GPD2: variants seen among roughly 807,000 people sequenced by gnomAD.
The protein encoded by GPD2 is glycerol-3-phosphate dehydrogenase 2, also known as glycerol-3-phosphate dehydrogenase, mitochondrial.
Under a neutral mutation model 82.4 loss-of-function variants are expected in GPD2, and 54 were observed. The ratio of observed to expected loss-of-function variants is 0.66; its 90% confidence interval spans 0.53 to 0.82. GPD2 has a LOEUF of 0.82. GPD2 is among the 40% of genes least tolerant of loss of function. GPD2 has a pLI of 0.00. For synonymous variants in GPD2, 288 were observed against 306.1 expected (o/e 0.94, Z 0.62); for missense variants, 748 against 896.2 (o/e 0.83, Z 2.11).
At chr2:156,501,767 G>T (rs1024491245) in intron 3 of GPD2, 1 of 169,194 alleles carries the variant, frequency 5.9e-6, no homozygotes, top group Non-Finnish European at 1.5e-5. Context: ...AATTAATGTA[G>T]TGCTTTCCTT....
intron 2 of GPD2, among the ~76,000 whole-genome samples, chr2:156,486,587 C>A (rs1298558147): frequency 6.6e-6 from 1 of 152,130 alleles, no homozygotes; most frequent in Non-Finnish European, 1.5e-5. Flanking sequence ...CTCCCCATTC[C>A]CCATCCTTCA....
intron 8 of GPD2, 109 bp from the exon 9 acceptor site, chr2:156,557,280 C>A: frequency 1.3e-6 from 1 of 770,250 alleles, no homozygotes; most frequent in Non-Finnish European, 2.3e-6. Flanking sequence ...TAGTTCATAT[C>A]TTTCTTGTTT....
chr2:156,410,905 G>A, the GPD2 span, among the ~76,000 whole-genome samples: 1 of 151,958 alleles, frequency 6.6e-6, no homozygotes, highest in Admixed American at 6.6e-5. Flanking sequence ...ATATTGCACT[G>A]GTAAAAGGAA....
At chr2:156,481,383 T>C (rs1003026172) in intron 2 of GPD2, among the ~76,000 whole-genome samples, 1 of 152,164 alleles carries the variant, frequency 6.6e-6, no homozygotes, top group Admixed American at 6.5e-5. Flanking sequence ...CAGCATATAG[T>C]GTTACAAAGC....
At chr2:156,476,351 C>T in intron 2 of GPD2, 144 bp downstream of exon 2, 1 of 681,282 alleles carries the variant, frequency 1.5e-6, no homozygotes. Context: ...TAATTTAGAA[C>T]AGTGCCTTAA....
chr2:156,564,015 C>T (rs954776912), intron 9 of GPD2, among the ~76,000 whole-genome samples: 1 of 152,098 alleles, frequency 6.6e-6, no homozygotes, highest in African/African-American at 2.4e-5. Flanking sequence ...CAGTAAAGTC[C>T]ATGGGACAGT....
chr2:156,513,506 G>A lies in GPD2; in HGVS notation c.661+10G>A. 1 of 1,386,424 alleles carries A rather than the reference G, an allele frequency of 7.2e-7. No homozygotes were observed. The highest frequency in any genetic ancestry group is 1.9e-5 in the Admixed American group (1 of 54,026). The allele number at this position is 1,386,424 out of a possible 1,614,324, so 85.9% of individuals were successfully genotyped here. A position where few individuals can be genotyped will look rare whatever the true frequency, so the allele number is the denominator to read the frequency against. On this transcript the variant is annotated intron_variant, in intron 6 of 16. Coordinates refer to ENST00000438166, the MANE Select transcript of GPD2 (RefSeq NM_000408.5). ...ATTGTCTACTATGACGGTATGTGAT[G>A]TTTTTTTTTTTTTTCCTCACAAGAT...
At chr2:156,419,166 T>G in the GPD2 span, among the ~76,000 whole-genome samples, 1 of 150,740 alleles carries the variant, frequency 6.6e-6, no homozygotes, top group Non-Finnish European at 1.5e-5. Flanking sequence ...TTCAAGAGAT[T>G]CTCCTGCCTC....
chr2:156,428,637 G>A, the GPD2 span, among the ~76,000 whole-genome samples: 1 of 152,176 alleles, frequency 6.6e-6, no homozygotes, highest in East Asian at 1.9e-4. Flanking sequence ...TTTATTTACA[G>A]CGTGGCCTAG....
intron 1 of GPD2, among the ~76,000 whole-genome samples, chr2:156,441,854 C>T (rs1452208341): frequency 6.6e-6 from 1 of 152,122 alleles, no homozygotes; most frequent in Non-Finnish European, 1.5e-5. Context: ...TGTGGAAAAC[C>T]CATACATTTG....
At chr2:156,553,369 G>C (rs1239837102) in intron 8 of GPD2, among the ~76,000 whole-genome samples, 1 of 151,962 alleles carries the variant, frequency 6.6e-6, no homozygotes, top group Non-Finnish European at 1.5e-5. Context: ...TGCTTATATT[G>C]AGATTGTTCC....
At chr2:156,454,074 G>A (rs527907328) in intron 1 of GPD2, among the ~76,000 whole-genome samples, 1 of 152,246 alleles carries the variant, frequency 6.6e-6, no homozygotes, top group South Asian at 2.1e-4. Flanking sequence ...GAGGATAGAA[G>A]AGAAATTGGA....
chr2:156,559,708 A>G (rs537239175), intron 9 of GPD2, among the ~76,000 whole-genome samples: 2 of 152,346 alleles, frequency 1.3e-5, no homozygotes, highest in African/African-American at 2.4e-5. Flanking sequence ...CTACAATAAT[A>G]GTATAAAAGA....
Position 156,585,856 on chromosome 2 carries a change from T to C in GPD2, c.*2938T>C, listed in dbSNP as rs1688199193. Reference sequence around the variant, plus strand: ...GGAGTGAAAAAGCCCTACTATGTTTTTAAATAGCAAGTGTAAGCTCAGTGC... The same window carrying C: ...GGAGTGAAAAAGCCCTACTATGTTTCTAAATAGCAAGTGTAAGCTCAGTGC... On this transcript the variant is annotated 3_prime_UTR_variant, in exon 17 of 17. Coordinates refer to ENST00000438166, the MANE Select transcript of GPD2 (RefSeq NM_000408.5). 1 of 152,500 alleles carries C rather than the reference T, an allele frequency of 6.6e-6. No homozygotes were observed. The highest frequency in any genetic ancestry group is 1.5e-5 in the Non-Finnish European group (1 of 67,982). The allele number at this position is 152,500 out of a possible 1,614,324, so 9.4% of individuals were successfully genotyped here. A position where few individuals can be genotyped will look rare whatever the true frequency, so the allele number is the denominator to read the frequency against.
At chr2:156,558,667 A>G (rs189576321) in intron 9 of GPD2, among the ~76,000 whole-genome samples, 1 of 151,512 alleles carries the variant, frequency 6.6e-6, no homozygotes, top group African/African-American at 2.4e-5. Context: ...GTGTGATCTC[A>G]GCTCACTGCA....
At chr2:156,450,205 A>T (rs1682505410) in intron 1 of GPD2, among the ~76,000 whole-genome samples, 1 of 152,200 alleles carries the variant, frequency 6.6e-6, no homozygotes, top group Non-Finnish European at 1.5e-5. Context: ...TTGATGGAAG[A>T]TATAAAGTGT....
chr2:156,406,086 T>C, the GPD2 span, among the ~76,000 whole-genome samples: 1 of 151,614 alleles, frequency 6.6e-6, no homozygotes, highest in Non-Finnish European at 1.5e-5. Flanking sequence ...ATTGATTTAA[T>C]ACACACAGCT....
chr2:156,539,049 A>G (rs964686774), intron 6 of GPD2, among the ~76,000 whole-genome samples: 2 of 152,144 alleles, frequency 1.3e-5, no homozygotes, highest in African/African-American at 2.4e-5. Flanking sequence ...ATAAACATTA[A>G]TTCTGGGTTG....
upstream of GPD2, among the ~76,000 whole-genome samples, chr2:156,434,382 G>A (rs182598418): frequency 8.3e-4 from 127 of 152,282 alleles, no homozygotes; most frequent in Non-Finnish European, 1.3e-3. Flanking sequence ...GATTACAGGC[G>A]TGACCCACTG....
Sources: allele counts gnomAD v4.1 joint callset (sites outside exome capture counted in the v4.1 genomes callset), GRCh38; gene constraint gnomAD v4.1.1; transcripts MANE v1.5; gene names NCBI Gene and HGNC (gene_info 2026-07-23, HGNC 2026-07-21).